Variants in PTPRN2 observed in about 807,000 individuals in gnomAD.
PTPRN2 encodes protein tyrosine phosphatase receptor type N2, also known as receptor-type tyrosine-protein phosphatase N2.
A neutral mutation model predicts 118.8 loss-of-function variants in PTPRN2; 74 were observed. That is an observed-to-expected ratio of 0.62 (90% CI 0.52 to 0.76). The LOEUF (loss-of-function observed/expected upper bound fraction) is 0.76. Among genes scored for constraint, PTPRN2 ranks in the 30% least tolerant of loss-of-function variants. PTPRN2 has a pLI of 0.00. For synonymous variants in PTPRN2, 641 were observed against 608.0 expected, an observed-to-expected ratio of 1.05 and a Z score of -0.80; for missense variants, 1,481 against 1,394.4, an observed-to-expected ratio of 1.06 and a Z score of -0.99.
chr7:157,545,931 C>G (rs568750937), intron 22 of PTPRN2, among the ~76,000 whole-genome samples: 1 of 152,240 alleles, frequency 6.6e-6, no homozygotes, highest in South Asian at 2.1e-4. Context: ...GCATTTTGCC[C>G]AAATAATTTT....
chr7:158,072,077 G>A lies in PTPRN2; in HGVS notation c.1723+9221C>T, dbSNP rs966232176. 1.7e-3 allele frequency among the ~76,000 whole-genome samples: 210 copies of A among 126,802 alleles called. 1 individual carries two copies. Among genetic ancestry groups the A allele is most frequent in the African/African-American group, 4.3e-3 (155 of 35,870 alleles). The allele number at this position is 126,802 out of a possible 152,430, so 83.2% of individuals were successfully genotyped here. On this transcript the variant is annotated intron_variant, in intron 11 of 22. Coordinates refer to ENST00000389418, the MANE Select transcript of PTPRN2 (RefSeq NM_002847.5). The stretch of plus-strand genomic sequence containing the variant: ...GGTTCCCGTGGTGGTGGAGGTGCTC[G>A]TGGTGGTGGAGGTGCTCGTAGTATG...
intron 2 of PTPRN2, among the ~76,000 whole-genome samples, chr7:158,444,377 C>T (rs1586691849): frequency 6.6e-6 from 1 of 152,264 alleles, no homozygotes; most frequent in South Asian, 2.1e-4. Flanking sequence ...TCCCCAAGTC[C>T]CCACCCACGG....
At chr7:158,317,065 G>T in intron 2 of PTPRN2, 133 bp from the exon 3 acceptor site, 1 of 628,800 alleles carries the variant, frequency 1.6e-6, no homozygotes, top group Non-Finnish European at 2.6e-6. Context: ...GTCACCAGAG[G>T]GCTGTTAGGA....
intron 14 of PTPRN2, among the ~76,000 whole-genome samples, chr7:157,624,191 C>G (rs535242757): frequency 1.3e-5 from 2 of 152,054 alleles, no homozygotes; most frequent in Non-Finnish European, 2.9e-5. Flanking sequence ...AAGGCTGAGG[C>G]GGGTGGATCA....
chr7:157,804,254 A>G lies in PTPRN2; in HGVS notation c.1788+94419T>C, dbSNP rs79822217. ...TCTTAAGAATGCTTATTAGCTCTTA[A>G]TATCAGAGAGGATTAACCTCCTACT... On this transcript the variant is annotated intron_variant, in intron 12 of 22. Coordinates refer to ENST00000389418, the MANE Select transcript of PTPRN2 (RefSeq NM_002847.5). Among the ~76,000 whole-genome samples the G allele has an allele frequency of 8.0e-3, 1,223 of 152,330 alleles. 45 individuals carry two copies. The South Asian group carries it at 0.12, about 15-fold the overall frequency.
At chr7:157,797,934 C>T (rs1339080593) in intron 12 of PTPRN2, among the ~76,000 whole-genome samples, 1 of 152,190 alleles carries the variant, frequency 6.6e-6, no homozygotes, top group Non-Finnish European at 1.5e-5. Context: ...TTCCTTTGAC[C>T]CCAGGTCTGT....
At chr7:157,912,578 T>G (rs1798161397) in intron 11 of PTPRN2, among the ~76,000 whole-genome samples, 1 of 151,880 alleles carries the variant, frequency 6.6e-6, no homozygotes, top group African/African-American at 2.4e-5. Flanking sequence ...TCTAAAGATA[T>G]CTATATAAAG....
At position 157,922,251 on chromosome 7, in the gene PTPRN2, A is replaced by G. The variant is rs76524553; in HGVS notation, c.1724-23514T>C. Among the ~76,000 whole-genome samples, 1,502 of 152,310 alleles carry G rather than the reference A, an allele frequency of 9.9e-3. 7 individuals are homozygous for G. The highest frequency in any genetic ancestry group is 0.016 in the Non-Finnish European group (1,076 of 68,026). Reference sequence around the variant, plus strand: ...CCAGGATTCTGTTCAACATCTTCATACGGGATTTTTGGTTTTTAAATACTG... The same window carrying G: ...CCAGGATTCTGTTCAACATCTTCATGCGGGATTTTTGGTTTTTAAATACTG... On this transcript the variant is annotated intron_variant, in intron 11 of 22. Coordinates refer to ENST00000389418, the MANE Select transcript of PTPRN2 (RefSeq NM_002847.5).
At chr7:158,168,425 C>T (rs1051220205) in intron 5 of PTPRN2, among the ~76,000 whole-genome samples, 3 of 152,218 alleles carry the variant, frequency 2.0e-5, no homozygotes, top group African/African-American at 7.2e-5. Context: ...ACTCCTACAT[C>T]TTCTCTGAAG....
chr7:157,843,411 G>T (rs932879224), intron 12 of PTPRN2, among the ~76,000 whole-genome samples: 3 of 152,122 alleles, frequency 2.0e-5, no homozygotes, highest in Non-Finnish European at 4.4e-5. Context: ...CGGCGTGGGG[G>T]TTTATGGGCT....
chr7:158,171,310 T>TACATATATATATATATATATACATAC lies in PTPRN2; in HGVS notation c.550-4020_550-4019insGTATGTATATATATATATATATATGT, dbSNP rs1343884902. ...ATATACACACATATATATACACACATATATATATATATATATATATATATA... is the reference window on the plus strand; with the variant it reads ...ATATACACACATATATATACACACATACATATATATATATATATATACATACATATATATATATATATATATATATA... On this transcript the variant is annotated intron_variant, in intron 5 of 22. Transcript: ENST00000389418. Among the ~76,000 whole-genome samples, 8 of 67,638 alleles carry TACATATATATATATATATATACATAC rather than the reference T, an allele frequency of 1.2e-4. 1 individual carries two copies. Among genetic ancestry groups the TACATATATATATATATATATACATAC allele is most frequent in the African/African-American group, 6.3e-4 (8 of 12,666 alleles). 44.4% of individuals were successfully genotyped at this position (67,638 alleles called of 152,430 possible). A position where few individuals can be genotyped will look rare whatever the true frequency, so the allele number is the denominator to read the frequency against.
intron 6 of PTPRN2, among the ~76,000 whole-genome samples, chr7:158,153,581 C>T (rs1257993971): frequency 6.6e-6 from 1 of 152,176 alleles, no homozygotes; most frequent in Non-Finnish European, 1.5e-5. Context: ...ATCGCACGCC[C>T]TGTGAGGGGA....
At chr7:158,522,329 A>G (rs368335118) in intron 1 of PTPRN2, among the ~76,000 whole-genome samples, 28 of 87,506 alleles carry the variant, frequency 3.2e-4, no homozygotes, top group Admixed American at 1.0e-3. Flanking sequence ...GTGGCTCGGG[A>G]GGGAGGTCCA....
At chr7:158,333,254 C>A (rs1274733474) in intron 2 of PTPRN2, among the ~76,000 whole-genome samples, 1 of 127,348 alleles carries the variant, frequency 7.9e-6, no homozygotes, top group Non-Finnish European at 1.7e-5. Context: ...AAAGAGCTGT[C>A]GCCCGCAGGA....
At chr7:158,416,201 G>T (rs1351899119) in intron 2 of PTPRN2, among the ~76,000 whole-genome samples, 1 of 152,210 alleles carries the variant, frequency 6.6e-6, no homozygotes, top group Non-Finnish European at 1.5e-5. Flanking sequence ...CCACTTTGGG[G>T]CCCAGGAATG....
At chr7:157,902,214 A>G (rs1053351497) in intron 11 of PTPRN2, among the ~76,000 whole-genome samples, 2 of 152,264 alleles carry the variant, frequency 1.3e-5, no homozygotes, top group Non-Finnish European at 2.9e-5. Context: ...GCGCTGCAGC[A>G]GAACTTCCGG....
intron 12 of PTPRN2, among the ~76,000 whole-genome samples, chr7:157,791,553 G>GCCCCC (rs1304262408): frequency 7.9e-6 from 1 of 125,870 alleles, no homozygotes; most frequent in Non-Finnish European, 1.6e-5. Context: ...GCACCCACCT[G>GCCCCC]CCCCCCCTCC....
intron 1 of PTPRN2, among the ~76,000 whole-genome samples, chr7:158,514,257 C>G (rs1335009956): frequency 1.3e-5 from 2 of 152,176 alleles, no homozygotes; most frequent in Admixed American, 1.3e-4. Context: ...CCTGAAAACA[C>G]AGCAGTACAT....
rs62476407 is a variant in PTPRN2 at position 157,786,140 on chromosome 7, T to C, written c.1789-103203A>G. Among the ~76,000 whole-genome samples, 1,053 of 152,284 alleles carry C rather than the reference T, an allele frequency of 6.9e-3. 70 individuals are homozygous for C. The East Asian group carries it at 0.15, about 22-fold the overall frequency. On this transcript the variant is annotated intron_variant, in intron 12 of 22. Transcript: ENST00000389418. ...TTGCTGTGGGGTGGATCCCAGGCCCTCGGGCCAGCCCTGCGTGGGGTTCTC... is the reference window on the plus strand; with the variant it reads ...TTGCTGTGGGGTGGATCCCAGGCCCCCGGGCCAGCCCTGCGTGGGGTTCTC...
Sources: gnomAD v4.1 joint callset for allele counts (sites outside exome capture counted in the v4.1 genomes callset) on GRCh38, gnomAD v4.1.1 for gene constraint, MANE v1.5 for transcripts, NCBI Gene and HGNC (gene_info 2026-07-23, HGNC 2026-07-21) for gene names.